Variants in SV2C observed in about 807,000 individuals in gnomAD.
SV2C encodes the protein solute carrier family 22 member B3.
A neutral mutation model predicts 79.7 loss-of-function variants in SV2C; 49 were observed. The ratio of observed to expected loss-of-function variants is 0.61; its 90% CI spans 0.49 to 0.78. The LOEUF is 0.78. Among genes scored for constraint, SV2C ranks in the 30% least tolerant of loss-of-function variants. SV2C has a pLI of 0.00. For missense variants in SV2C, 833 were observed against 912.9 expected, an observed-to-expected ratio of 0.91 and a Z score of 1.13; for synonymous variants, 334 against 333.2, an observed-to-expected ratio of 1.00 and a Z score of -0.03.
chr5:75,980,287 A>G, the SV2C span, among the ~76,000 whole-genome samples: 1 of 152,220 alleles, frequency 6.6e-6, no homozygotes, highest in Non-Finnish European at 1.5e-5. Flanking sequence ...TAGCAGACAG[A>G]CAATGAAGAC....
chr5:75,932,707 C>T, the SV2C span, among the ~76,000 whole-genome samples: 3 of 152,194 alleles, frequency 2.0e-5, no homozygotes, highest in Admixed American at 1.3e-4. Flanking sequence ...CCACTCTGGG[C>T]GGGCCAGGTT....
At chr5:76,308,164 CT>C (rs1240469069) in intron 12 of SV2C, among the ~76,000 whole-genome samples, 1 of 152,124 alleles carries the variant, frequency 6.6e-6, no homozygotes, top group Non-Finnish European at 1.5e-5. Context: ...CTTGAATTGG[CT>C]TTCTGTGACT....
chr5:75,953,250 A>G, the SV2C span, among the ~76,000 whole-genome samples: 1 of 151,902 alleles, frequency 6.6e-6, no homozygotes, highest in South Asian at 2.1e-4. Context: ...CTCCCTCCCA[A>G]GGAGAGGATT....
At chr5:75,887,518 T>A in the SV2C span, among the ~76,000 whole-genome samples, 1 of 152,092 alleles carries the variant, frequency 6.6e-6, no homozygotes, top group Non-Finnish European at 1.5e-5. Flanking sequence ...ATCCTTAAAA[T>A]CCTTCTGGAT....
Position 76,298,919 on chromosome 5 carries a change from A to T in SV2C, c.1628A>T (p.Asp543Val). ...TGCACATTTATTGACACTGTTTTTGACAACACAGGTAGGTGTGCTACTTAG... is the reference window on the plus strand; with the variant it reads ...TGCACATTTATTGACACTGTTTTTGTCAACACAGGTAGGTGTGCTACTTAG... ...KNCTFIDTVF[D>V]NTDFEPYKFI... is the part of the protein sequence containing the mutation. Residue 543 changes from aspartate (D) to valine (V), a missense_variant, in exon 10 of 13, where the codon GAC (aspartate) becomes GTC (valine). Physicochemically the swap from Asp to Val is radical, Grantham distance 152. Coordinates refer to ENST00000502798, the MANE Select transcript of SV2C (RefSeq NM_014979.4). The T allele has an allele frequency of 6.2e-7, 1 of 1,613,716 alleles. No individual in the cohort carries two copies. The highest frequency in any genetic ancestry group is 8.5e-7 in the Non-Finnish European group (1 of 1,179,808).
chr5:75,975,365 A>G, the SV2C span, among the ~76,000 whole-genome samples: 912 of 152,324 alleles, frequency 6.0e-3, 10 homozygotes, highest in African/African-American at 0.021. Context: ...GGACTTGTAA[A>G]TTAATCACCT....
chr5:76,279,597 C>T (rs1747121691), intron 4 of SV2C, among the ~76,000 whole-genome samples: 2 of 152,214 alleles, frequency 1.3e-5, no homozygotes, highest in African/African-American at 4.8e-5. Flanking sequence ...ATGACAAAGA[C>T]TGGTGGCCTT....
At chr5:76,262,342 C>A (rs1412434267) in intron 4 of SV2C, among the ~76,000 whole-genome samples, 1 of 151,876 alleles carries the variant, frequency 6.6e-6, no homozygotes, top group African/African-American at 2.4e-5. Flanking sequence ...TCTTTATTAG[C>A]CTGGCTAGCA....
At chr5:75,921,112 G>A in the SV2C span, 3,742 of 812,282 alleles carry the variant, frequency 4.6e-3, 17 homozygotes, top group Middle Eastern at 8.5e-3. Context: ...CATTGTGCAC[G>A]GAGTTGGCCT....
At chr5:75,866,909 A>G in the SV2C span, among the ~76,000 whole-genome samples, 1 of 152,172 alleles carries the variant, frequency 6.6e-6, no homozygotes, top group Non-Finnish European at 1.5e-5. Flanking sequence ...CTTAGGGTGT[A>G]GTGGAGGAAA....
At chr5:76,198,439 G>A (rs1744337901) in intron 3 of SV2C, among the ~76,000 whole-genome samples, 1 of 151,964 alleles carries the variant, frequency 6.6e-6, no homozygotes, top group Non-Finnish European at 1.5e-5. Flanking sequence ...GCTCCCCTTT[G>A]CCCTCTCTCC....
the SV2C span, among the ~76,000 whole-genome samples, chr5:76,033,462 A>G: frequency 6.6e-6 from 1 of 152,252 alleles, no homozygotes; most frequent in African/African-American, 2.4e-5. Context: ...AGCTTTCTAC[A>G]TATGGCTAGC....
chr5:76,286,897 C>A (rs1028843195), intron 6 of SV2C: 2 of 152,094 alleles, frequency 1.3e-5, no homozygotes, highest in African/African-American at 4.8e-5. Context: ...GGTAACTGTC[C>A]CCATGATTCA....
At chr5:75,944,770 G>GCAGGAGAAAAGTACC in the SV2C span, among the ~76,000 whole-genome samples, 1 of 152,116 alleles carries the variant, frequency 6.6e-6, no homozygotes, top group Non-Finnish European at 1.5e-5. Context: ...GGAGAGTGTG[G>GCAGGAGAAAAGTACC]CAGGAGAAAA....
intron 1 of SV2C, among the ~76,000 whole-genome samples, chr5:76,088,958 A>G (rs1747287161): frequency 6.6e-6 from 1 of 152,208 alleles, no homozygotes; most frequent in Non-Finnish European, 1.5e-5. Context: ...TAGGAGCTCA[A>G]TAAATATTGT....
At chr5:76,046,346 C>T in the SV2C span, among the ~76,000 whole-genome samples, 1 of 152,024 alleles carries the variant, frequency 6.6e-6, no homozygotes, top group Non-Finnish European at 1.5e-5. Context: ...TCAATGGAAG[C>T]AAATAAGAAA....
At chr5:75,904,801 C>T in the SV2C span, among the ~76,000 whole-genome samples, 5 of 152,318 alleles carry the variant, frequency 3.3e-5, no homozygotes, top group South Asian at 4.1e-4. Context: ...ACTTAAAGTG[C>T]TATTTGTAGT....
the SV2C span, among the ~76,000 whole-genome samples, chr5:75,982,117 T>G: frequency 6.7e-6 from 1 of 148,344 alleles, no homozygotes. Context: ...CATCGGGAGA[T>G]ATACCTAATG....
the SV2C span, among the ~76,000 whole-genome samples, chr5:75,913,064 T>C: frequency 6.6e-6 from 1 of 152,148 alleles, no homozygotes; most frequent in African/African-American, 2.4e-5. Flanking sequence ...AGGTTTCCCA[T>C]GAGGTAAACC....
Sources: gnomAD v4.1 joint callset for allele counts (sites outside exome capture counted in the v4.1 genomes callset) on GRCh38, gnomAD v4.1.1 for gene constraint, MANE v1.5 for transcripts, NCBI Gene and HGNC (gene_info 2026-07-23, HGNC 2026-07-21) for gene names.